Variants in MICALL2 observed in about 807,000 individuals in gnomAD.
MICALL2 encodes the protein MICAL like 2.
A neutral mutation model predicts 91.1 loss-of-function variants in MICALL2; 111 were observed. The observed-to-expected ratio is 1.22, with a 90% CI of 1.04 to 1.43. The LOEUF (loss-of-function observed/expected upper bound fraction) is 1.43, where lower values mean the gene tolerates loss of function less well. Ranked by LOEUF, MICALL2 falls within the 40% of genes most tolerant of loss-of-function variation. The pLI, the probability that MICALL2 is intolerant of heterozygous loss-of-function variation, is 0.00. For missense variants in MICALL2, 1,556 were observed against 1,236.0 expected (o/e 1.26, Z -3.88); for synonymous variants, 694 against 525.3 (o/e 1.32, Z -4.39).
At chr7:1,444,440 T>A (rs541416047) in intron 6 of MICALL2, among the ~76,000 whole-genome samples, 1 of 152,318 alleles carries the variant, frequency 6.6e-6, no homozygotes, top group African/African-American at 2.4e-5. Flanking sequence ...AGCTTTTCCA[T>A]AAGGACCCGG....
intron 1 of MICALL2, chr7:1,450,592 G>A (rs1474147468): frequency 2.7e-6 from 1 of 368,204 alleles, no homozygotes; most frequent in Non-Finnish European, 5.1e-6. Flanking sequence ...AGCAGGCCTG[G>A]GAGGTGAGGT....
At chr7:1,443,115 C>T (rs28480021) in intron 6 of MICALL2, among the ~76,000 whole-genome samples, 2,045 of 140,942 alleles carry the variant, frequency 0.015, 57 homozygotes, top group African/African-American at 0.049. Context: ...TTCCCTCCCC[C>T]CTTTCCCTTT....
At position 1,452,835 on chromosome 7, in the gene MICALL2, T is replaced by C. The variant is rs988378659; in HGVS notation, c.144-2547A>G. 3.3e-5 allele frequency among the ~76,000 whole-genome samples: 5 copies of C among 152,024 alleles called. No individual in the cohort carries two copies. Among genetic ancestry groups the C allele is most frequent in the African/African-American group, 1.2e-4 (5 of 41,392 alleles). On this transcript the variant is annotated intron_variant, in intron 1 of 16. Coordinates refer to ENST00000297508, the MANE Select transcript of MICALL2 (RefSeq NM_182924.4). The surrounding 1 kb of genome is among the most constrained non-coding windows in gnomAD (Gnocchi z 6.2). ...TGCATTCGGGGCGTTTGAGGCCTATTCAACTGGGCTGCACCACCCCGGCCG... is the reference window on the plus strand; with the variant it reads ...TGCATTCGGGGCGTTTGAGGCCTATCCAACTGGGCTGCACCACCCCGGCCG...
intron 3 of MICALL2, 125 bp downstream of exon 3, chr7:1,448,495 C>A: frequency 1.1e-6 from 1 of 877,288 alleles, no homozygotes; most frequent in Non-Finnish European, 1.8e-6. Context: ...CCCCGGTGCC[C>A]ATGCCAGGGG....
In MICALL2 at chr7:1,459,386, C is replaced by G; in HGVS notation, c.-60G>C. ...CTCCGACACCTTCCCGCGGCTGTGC[C>G]GCGACCGCCCGGCCGGCGGGACAGA... On this transcript the variant is annotated 5_prime_UTR_variant, in exon 1 of 17. Transcript: ENST00000297508. 1 of 1,358,610 alleles carries G rather than the reference C, an allele frequency of 7.4e-7. No homozygotes were observed. Among genetic ancestry groups the G allele is most frequent in the African/African-American group, 1.6e-5 (1 of 64,370 alleles). 84.2% of individuals were successfully genotyped at this position (1,358,610 alleles called of 1,614,324 possible).
chr7:1,445,508 G>A, intron 5 of MICALL2, 80 bp from the exon 6 acceptor site: 2 of 1,340,432 alleles, frequency 1.5e-6, no homozygotes, highest in Non-Finnish European at 2.0e-6. Flanking sequence ...CTGATAGCAG[G>A]CATTGCGGAC....
At chr7:1,454,758 C>G (rs1239609580) in intron 1 of MICALL2, among the ~76,000 whole-genome samples, 1 of 152,136 alleles carries the variant, frequency 6.6e-6, no homozygotes, top group Non-Finnish European at 1.5e-5. Flanking sequence ...AGGGCACTGC[C>G]TGGGAGCTTC....
rs1036983242 is a variant in MICALL2 at position 1,438,990 on chromosome 7, A to T, written c.1972T>A (p.Ser658Thr). Residue 658 changes from serine (S) to threonine (T), a missense_variant, in exon 10 of 17, where the codon TCC becomes ACC. Physicochemically the swap from Ser to Thr is moderately conservative, Grantham distance 58. Coordinates refer to ENST00000297508, the MANE Select transcript of MICALL2 (RefSeq NM_182924.4). ...ASPGPSLPARSPSPPRRRRLA... is the reference protein window; with the variant it reads ...ASPGPSLPARTPSPPRRRRLA... Reference sequence around the variant, plus strand: ...CTCCTGCGGCGGGGTGGGGAGGGGGACCTGGCTGCCCCCAGGTGGGGAGAC... The same window carrying T: ...CTCCTGCGGCGGGGTGGGGAGGGGGTCCTGGCTGCCCCCAGGTGGGGAGAC... 1 of 1,591,206 alleles carries T rather than the reference A, an allele frequency of 6.3e-7. No individual in the cohort carries two copies. Among genetic ancestry groups the T allele is most frequent in the Non-Finnish European group, 8.5e-7 (1 of 1,174,764 alleles).
rs777601229 is a variant in MICALL2, at chr7:1,446,771, C to G, written c.583G>C (p.Val195Leu). ...GCCAGGTGCCGCTGTACCAGGTGCA[C>G]GTGCTTGCCGCAGACCCCGCAGGTG... ...SSTCGVCGKH[V>L]HLVQRHLADG... The change falls in exon 5 of 17, where the codon GTG (valine) becomes CTG (leucine). Residue 195 changes from valine (V) to leucine (L), a missense_variant. Transcript: ENST00000297508. 6.2e-7 allele frequency: 1 copy of G among 1,608,350 alleles called. No homozygotes were observed. Among genetic ancestry groups the G allele is most frequent in the Non-Finnish European group, 8.5e-7 (1 of 1,178,134 alleles).
Position 1,451,485 on chromosome 7 carries a change from A to G in MICALL2, c.144-1197T>C, listed in dbSNP as rs1046730716. Among the ~76,000 whole-genome samples the G allele has an allele frequency of 1.1e-4, 17 of 152,156 alleles. No homozygotes were observed. Among genetic ancestry groups the G allele is most frequent in the African/African-American group, 4.1e-4 (17 of 41,440 alleles). On this transcript the variant is annotated intron_variant, in intron 1 of 16. Coordinates refer to ENST00000297508, the MANE Select transcript of MICALL2 (RefSeq NM_182924.4). This position sits in a 1 kb window ranked among gnomAD's most constrained non-coding sequence, Gnocchi z 4.5. Reference sequence around the variant, plus strand: ...AATTCGAGATCAGCCTGGGTAACACACTGAGACCCCGTCTCAGAAAAACAA... The same window carrying G: ...AATTCGAGATCAGCCTGGGTAACACGCTGAGACCCCGTCTCAGAAAAACAA...
At chr7:1,435,488 G>A (rs536256419) in intron 15 of MICALL2, among the ~76,000 whole-genome samples, 8 of 139,860 alleles carry the variant, frequency 5.7e-5, no homozygotes, top group South Asian at 4.3e-4. Context: ...CCGGTGACCT[G>A]GGACAGGAGG....
chr7:1,437,723 C>G, intron 13 of MICALL2, 115 bp from the exon 14 acceptor site: 1 of 1,308,872 alleles, frequency 7.6e-7, no homozygotes, highest in Non-Finnish European at 1.1e-6. Context: ...TGAGGCCTGA[C>G]TCGCCGCCCG....
chr7:1,439,004 A>G lies in MICALL2; in HGVS notation c.1967-9T>C. The G allele has an allele frequency of 6.3e-7, 1 of 1,586,376 alleles. No homozygotes were observed. Among genetic ancestry groups the G allele is most frequent in the Non-Finnish European group, 8.5e-7 (1 of 1,170,784 alleles). ...TGGGGAGGGGGACCTGGCTGCCCCC[A>G]GGTGGGGAGACAGAGCCACGCTTCA... On this transcript the variant is annotated splice_polypyrimidine_tract_variant and intron_variant, in intron 9 of 16. Coordinates refer to ENST00000297508, the MANE Select transcript of MICALL2 (RefSeq NM_182924.4).
rs893291228 is a variant in MICALL2 at position 1,451,805 on chromosome 7, G to A, written c.144-1517C>T. On this transcript the variant is annotated intron_variant, in intron 1 of 16. Transcript: ENST00000297508. This position sits in a 1 kb window ranked among gnomAD's most constrained non-coding sequence, Gnocchi z 4.5. The stretch of plus-strand genomic sequence containing the variant: ...CTGGGCAGGTCTCAAACGGAGAAGT[G>A]GGGGCCGAGACCCCTGTGGCCACGC... Among the ~76,000 whole-genome samples the A allele has an allele frequency of 6.6e-6, 1 of 152,236 alleles. No homozygotes were observed. The highest frequency in any genetic ancestry group is 1.5e-5 in the Non-Finnish European group (1 of 68,032).
intron 10 of MICALL2, 28 bp from the exon 11 acceptor site, chr7:1,438,381 G>C: frequency 6.3e-7 from 1 of 1,584,516 alleles, no homozygotes; most frequent in South Asian, 1.1e-5. Flanking sequence ...TGAGCCTCTG[G>C]GACCTGGGCC....
intron 16 of MICALL2, 117 bp downstream of exon 16, chr7:1,434,984 C>CCGGGGG: frequency 3.3e-5 from 15 of 449,054 alleles, no homozygotes; most frequent in East Asian, 1.2e-4. Context: ...ACCCGATACC[C>CCGGGGG]GCCCCCCCCC....
chr7:1,439,625 A>G (rs890075128), intron 9 of MICALL2: 1 of 333,536 alleles, frequency 3.0e-6, no homozygotes, highest in Non-Finnish European at 5.4e-6. Context: ...ATACATGAAC[A>G]GACACATGGA....
At chr7:1,437,642 T>C in intron 13 of MICALL2, 34 bp from the exon 14 acceptor site, 1 of 1,530,274 alleles carries the variant, frequency 6.5e-7, no homozygotes, top group Non-Finnish European at 8.8e-7. Flanking sequence ...GGCCTGACTC[T>C]GCCGCCCTGT....
Position 1,442,452 on chromosome 7 carries a change from G to A in MICALL2, c.1451C>T (p.Ser484Phe), listed in dbSNP as rs747674926. 14 of 1,547,098 alleles carry A rather than the reference G, an allele frequency of 9.0e-6. No individual in the cohort carries two copies. Among genetic ancestry groups the A allele is most frequent in the Non-Finnish European group, 1.0e-5 (12 of 1,144,968 alleles). ...TTGTGGTGCTTCAGTTTTGGGCTGAGAACTGGGAACAGCGGCAGTGGCTGG... is the reference window on the plus strand; with the variant it reads ...TTGTGGTGCTTCAGTTTTGGGCTGAAAACTGGGAACAGCGGCAGTGGCTGG... ...PSPATAAVPS[S>F]QPKTEAPQAS... Residue 484 changes from serine to phenylalanine, a missense_variant, in exon 7 of 17, where the codon TCT (serine) becomes TTT (phenylalanine). Ser to Phe is a radical substitution (Grantham distance 155). Transcript: ENST00000297508.
Sources: allele counts gnomAD v4.1 joint callset (sites outside exome capture counted in the v4.1 genomes callset), GRCh38; gene constraint gnomAD v4.1.1; non-coding constraint Gnocchi (gnomAD v3.1); transcripts MANE v1.5; gene names NCBI Gene and HGNC (gene_info 2026-07-23, HGNC 2026-07-21).